The following BICC1 variants were observed in gnomAD, a reference collection of about 807,000 sequenced individuals.
BICC1 encodes protein bicaudal C homolog 1.
BICC1 carries 43 observed loss-of-function variants against 111.0 expected under a neutral mutation model. The observed-to-expected ratio is 0.39, with a 90% CI of 0.30 to 0.50. The LOEUF is 0.50. BICC1 is among the 20% of genes least tolerant of loss of function. The probability of loss-of-function intolerance (pLI) is 0.88; values close to 1 mark genes in which losing one functional copy is unlikely to be tolerated. For synonymous variants in BICC1, 467 were observed against 434.4 expected (o/e 1.07, Z -0.93); for missense variants, 1,091 against 1,203.2 (o/e 0.91, Z 1.38).
chr10:58,710,318 G>A (rs528440662), intron 3 of BICC1, among the ~76,000 whole-genome samples: 61 of 152,142 alleles, frequency 4.0e-4, no homozygotes, highest in African/African-American at 1.3e-3. Context: ...ACCTTCCATG[G>A]TGCTTTTCCC....
At chr10:58,566,949 C>G (rs1843782752) in intron 1 of BICC1, among the ~76,000 whole-genome samples, 1 of 152,146 alleles carries the variant, frequency 6.6e-6, no homozygotes. Context: ...AGGCCACTTA[C>G]TCTCTGACAT....
chr10:58,635,939 A>G (rs1274972152), intron 2 of BICC1, among the ~76,000 whole-genome samples: 1 of 152,142 alleles, frequency 6.6e-6, no homozygotes, highest in African/African-American at 2.4e-5. Context: ...CCACTTCTTT[A>G]TATGTTAAAC....
intron 1 of BICC1, among the ~76,000 whole-genome samples, chr10:58,519,095 T>TC (rs1404434370): frequency 1.3e-5 from 2 of 152,160 alleles, no homozygotes; most frequent in Non-Finnish European, 2.9e-5. Flanking sequence ...CAGTCCAGGC[T>TC]CCAAGAGCTG....
chr10:58,599,245 C>G (rs1844942323), intron 1 of BICC1, among the ~76,000 whole-genome samples: 1 of 152,118 alleles, frequency 6.6e-6, no homozygotes, highest in African/African-American at 2.4e-5. Context: ...AACTTGGAAC[C>G]AACCCAAATG....
chr10:58,688,594 A>G (rs138869174), intron 2 of BICC1, among the ~76,000 whole-genome samples: 1 of 152,218 alleles, frequency 6.6e-6, no homozygotes, highest in East Asian at 1.9e-4. Context: ...TGTTTATTGC[A>G]GCACTATTTA....
At chr10:58,539,228 CT>C (rs1842898994) in intron 1 of BICC1, among the ~76,000 whole-genome samples, 1 of 151,704 alleles carries the variant, frequency 6.6e-6, no homozygotes, top group South Asian at 2.1e-4. Flanking sequence ...GAAATAATGT[CT>C]TTTGCAGCAA....
intron 5 of BICC1, among the ~76,000 whole-genome samples, 192 bp from the exon 6 acceptor site, chr10:58,788,178 C>T (rs191601281): frequency 1.8e-4 from 27 of 152,094 alleles, no homozygotes; most frequent in African/African-American, 5.8e-4. Flanking sequence ...CTGAGGATCT[C>T]GTTAAAATGC....
At chr10:58,595,738 C>T (rs181573818) in intron 1 of BICC1, among the ~76,000 whole-genome samples, 1 of 152,210 alleles carries the variant, frequency 6.6e-6, no homozygotes, top group African/African-American at 2.4e-5. Context: ...AATTTTATAG[C>T]ACTATGGCCA....
intron 2 of BICC1, among the ~76,000 whole-genome samples, chr10:58,694,881 G>A (rs1192891004): frequency 6.6e-6 from 1 of 152,118 alleles, no homozygotes; most frequent in Non-Finnish European, 1.5e-5. Flanking sequence ...AGCTTTCAGA[G>A]TGACCTCCCC....
chr10:58,583,352 TA>T (rs1009178969), intron 1 of BICC1, among the ~76,000 whole-genome samples: 36 of 152,276 alleles, frequency 2.4e-4, no homozygotes, highest in African/African-American at 8.7e-4. Context: ...TGCAGTCTTT[TA>T]TCCCTCATCC....
At chr10:58,793,272 A>G (rs537986738) in intron 8 of BICC1, among the ~76,000 whole-genome samples, 2 of 152,334 alleles carry the variant, frequency 1.3e-5, no homozygotes, top group South Asian at 2.1e-4. Flanking sequence ...CTTAAGACAT[A>G]TAATTTCGTC....
At chr10:58,683,122 C>A (rs1219439859) in intron 2 of BICC1, among the ~76,000 whole-genome samples, 2 of 152,136 alleles carry the variant, frequency 1.3e-5, no homozygotes, top group African/African-American at 4.8e-5. Context: ...TTTCCCAGCA[C>A]CATTTATTAA....
intron 3 of BICC1, chr10:58,715,533 CTGTG>C: frequency 7.0e-7 from 1 of 1,419,584 alleles, no homozygotes; most frequent in Non-Finnish European, 1.0e-6. Flanking sequence ...CGGCGTGCCA[CTGTG>C]TGCTCAGTCC....
chr10:58,676,003 G>A (rs993086882), intron 2 of BICC1, among the ~76,000 whole-genome samples: 4 of 152,174 alleles, frequency 2.6e-5, no homozygotes, highest in Non-Finnish European at 5.9e-5. Flanking sequence ...AGCAGGGTGG[G>A]GAGTCGCCTC....
intron 2 of BICC1, among the ~76,000 whole-genome samples, chr10:58,670,512 TGAA>T (rs1452842561): frequency 2.8e-4 from 43 of 152,062 alleles, no homozygotes; most frequent in Admixed American, 2.8e-3. Flanking sequence ...TGAGTAAATG[TGAA>T]GAAGAGAATA....
chr10:58,724,257 T>A (rs557117545), intron 3 of BICC1, among the ~76,000 whole-genome samples: 5 of 152,368 alleles, frequency 3.3e-5, no homozygotes, highest in African/African-American at 1.2e-4. Flanking sequence ...ATCTAAGCAC[T>A]TAATAACTTC....
intron 2 of BICC1, among the ~76,000 whole-genome samples, chr10:58,657,169 C>T (rs1363926235): frequency 2.0e-5 from 3 of 152,152 alleles, no homozygotes; most frequent in African/African-American, 7.2e-5. Flanking sequence ...GGGCGAGATG[C>T]ATTATTCTTG....
In BICC1 at chr10:58,554,172, C is replaced by T. The variant is rs117353660; in HGVS notation, c.190+40839C>T. Among the ~76,000 whole-genome samples, 567 of 152,092 alleles carry T rather than the reference C, an allele frequency of 3.7e-3. 7 individuals are homozygous for T. Among genetic ancestry groups the T allele is most frequent in the Non-Finnish European group, 4.9e-3 (335 of 67,978 alleles). On this transcript the variant is annotated intron_variant, in intron 1 of 20. Coordinates refer to ENST00000373886, the MANE Select transcript of BICC1 (RefSeq NM_001080512.3). ...ATTGATTGAATTCATACCTGTTAAT[C>T]CCATATTAAATTCTTAAGGAGTTAG...
chr10:58,564,824 CT>C (rs1199603235), intron 1 of BICC1, among the ~76,000 whole-genome samples: 2 of 151,996 alleles, frequency 1.3e-5, no homozygotes, highest in Admixed American at 6.6e-5. Flanking sequence ...GGAATAATCC[CT>C]TTTTTATTTA....
Sources: allele counts gnomAD v4.1 joint callset (sites outside exome capture counted in the v4.1 genomes callset), GRCh38; gene constraint gnomAD v4.1.1; transcripts MANE v1.5; gene names NCBI Gene and HGNC (gene_info 2026-07-23, HGNC 2026-07-21).